ADCK1: variants seen among roughly 807,000 people sequenced by gnomAD.
ADCK1 encodes the protein aarF domain containing kinase 1, also known as aarF domain-containing protein kinase 1.
A neutral mutation model predicts 52.3 loss-of-function variants in ADCK1; 41 were observed. The ratio of observed to expected loss-of-function variants is 0.78; its 90% CI spans 0.61 to 1.02. ADCK1 has a LOEUF of 1.02. ADCK1 is among the 50% of genes least tolerant of loss of function. The pLI is 0.00. For missense variants in ADCK1, 658 were observed against 679.5 expected, an observed-to-expected ratio of 0.97 and a Z score of 0.35; for synonymous variants, 250 against 274.6, an observed-to-expected ratio of 0.91 and a Z score of 0.89.
chr14:77,870,155 C>A (rs2082745374), intron 4 of ADCK1, among the ~76,000 whole-genome samples: 2 of 152,204 alleles, frequency 1.3e-5, no homozygotes, highest in South Asian at 4.1e-4. Flanking sequence ...GTAACCTTTA[C>A]AATAACTCTG....
chr14:77,905,522 C>T (rs981929003), intron 6 of ADCK1, among the ~76,000 whole-genome samples: 1 of 151,746 alleles, frequency 6.6e-6, no homozygotes, highest in African/African-American at 2.4e-5. Context: ...TAAGCTGCCT[C>T]TGGTGGGGCT....
chr14:77,842,664 C>T (rs1035747153), intron 3 of ADCK1, among the ~76,000 whole-genome samples: 1 of 151,828 alleles, frequency 6.6e-6, no homozygotes, highest in Non-Finnish European at 1.5e-5. Flanking sequence ...AAATCTCCTG[C>T]CTCAGCCTCC....
chr14:77,814,144 T>C (rs937971725), intron 1 of ADCK1, among the ~76,000 whole-genome samples: 18 of 151,800 alleles, frequency 1.2e-4, no homozygotes, highest in African/African-American at 4.4e-4. Flanking sequence ...AGTGGCGCAA[T>C]CTCAGCTCAC....
At position 77,931,648 on chromosome 14, in the gene ADCK1, G is replaced by T. The variant is rs1366355102; in HGVS notation, c.1337G>T (p.Gly446Val). 45 of 1,611,314 alleles carry T rather than the reference G, an allele frequency of 2.8e-5. 1 individual carries two copies. Among genetic ancestry groups the T allele is most frequent in the Non-Finnish European group, 3.5e-5 (41 of 1,180,024 alleles). Residue 446 changes from glycine to valine, a missense_variant, in exon 10 of 11, where the codon GGC becomes GTC. By Grantham distance (109) the Gly-to-Val change is moderately radical (BLOSUM62 -3). Coordinates refer to ENST00000238561, the MANE Select transcript of ADCK1 (RefSeq NM_020421.4). ...DLLRGIEAAL[G>V]TRASASSFLN... The stretch of plus-strand genomic sequence containing the variant: ...CTGCGTGGCATTGAGGCCGCCCTGG[G>T]CACCCGCGCCAGCGCCAGCTCCTTT...
chr14:77,837,121 G>A (rs959143714), intron 3 of ADCK1, among the ~76,000 whole-genome samples: 25 of 150,890 alleles, frequency 1.7e-4, no homozygotes, highest in African/African-American at 6.1e-4. Flanking sequence ...GGGTCCACCT[G>A]GGCAATCCAG....
chr14:77,803,492 G>A (rs1445850299), intron 1 of ADCK1, among the ~76,000 whole-genome samples: 8 of 152,144 alleles, frequency 5.3e-5, no homozygotes, highest in Non-Finnish European at 1.0e-4. Flanking sequence ...CGGACATTTC[G>A]TGTGACCATC....
At chr14:77,918,371 T>G (rs2083975898) in intron 7 of ADCK1, among the ~76,000 whole-genome samples, 1 of 152,200 alleles carries the variant, frequency 6.6e-6, no homozygotes, top group Non-Finnish European at 1.5e-5. Context: ...TGAAGTTAAG[T>G]CAGGTGTGTC....
chr14:77,917,028 T>A (rs2083940816), intron 7 of ADCK1, among the ~76,000 whole-genome samples: 1 of 152,062 alleles, frequency 6.6e-6, no homozygotes, highest in African/African-American at 2.4e-5. Context: ...TTTGAGACCA[T>A]CCCATCCTGG....
At chr14:77,925,273 G>A (rs1483619913) in intron 8 of ADCK1, among the ~76,000 whole-genome samples, 1 of 152,238 alleles carries the variant, frequency 6.6e-6, no homozygotes, top group Non-Finnish European at 1.5e-5. Context: ...TACAGCAGGA[G>A]CTTAATTGCT....
At chr14:77,836,731 C>T (rs953845188) in intron 3 of ADCK1, among the ~76,000 whole-genome samples, 2 of 151,502 alleles carry the variant, frequency 1.3e-5, no homozygotes, top group Non-Finnish European at 2.9e-5. Context: ...GCAATCTCTG[C>T]AATCTAAGCC....
intron 6 of ADCK1, among the ~76,000 whole-genome samples, chr14:77,906,162 T>C (rs2083660342): frequency 6.6e-6 from 1 of 152,212 alleles, no homozygotes; most frequent in African/African-American, 2.4e-5. Flanking sequence ...ACAACAGTAT[T>C]AGCAGAATTA....
At chr14:77,828,623 C>T (rs2081771580) in intron 3 of ADCK1, among the ~76,000 whole-genome samples, 1 of 152,138 alleles carries the variant, frequency 6.6e-6, no homozygotes, top group Non-Finnish European at 1.5e-5. Context: ...CAACCTCTGC[C>T]TCCCGGGTTC....
At chr14:77,800,999 A>G (rs912692561) in intron 1 of ADCK1, among the ~76,000 whole-genome samples, 7 of 151,884 alleles carry the variant, frequency 4.6e-5, no homozygotes, top group Non-Finnish European at 8.8e-5. Flanking sequence ...GGAGGCCAAG[A>G]TGGGAGGATT....
chr14:77,915,523 A>G (rs1160398139), intron 7 of ADCK1, among the ~76,000 whole-genome samples: 1 of 152,178 alleles, frequency 6.6e-6, no homozygotes, highest in Non-Finnish European at 1.5e-5. Context: ...ATGTCCAACA[A>G]TGATAGACTG....
At chr14:77,859,820 A>G (rs1350501650) in intron 4 of ADCK1, among the ~76,000 whole-genome samples, 2 of 152,262 alleles carry the variant, frequency 1.3e-5, no homozygotes, top group Non-Finnish European at 2.9e-5. Flanking sequence ...TACCTGATGT[A>G]GAGCAAGTGC....
At chr14:77,920,852 G>A (rs1448688332) in intron 7 of ADCK1, among the ~76,000 whole-genome samples, 1 of 151,950 alleles carries the variant, frequency 6.6e-6, no homozygotes, top group Non-Finnish European at 1.5e-5. Context: ...GTCTTGGTAT[G>A]TTGCCCAGGC....
chr14:77,806,177 C>T (rs2081222846), intron 1 of ADCK1, among the ~76,000 whole-genome samples: 1 of 151,730 alleles, frequency 6.6e-6, no homozygotes. Flanking sequence ...CTTCCCACCT[C>T]AGCCTCCCAA....
intron 1 of ADCK1, among the ~76,000 whole-genome samples, chr14:77,813,728 T>C (rs1020308065): frequency 6.6e-6 from 1 of 151,858 alleles, no homozygotes; most frequent in Non-Finnish European, 1.5e-5. Context: ...CTGATGAAGT[T>C]GAACACTAAA....
At chr14:77,855,161 G>A (rs925614963) in intron 3 of ADCK1, among the ~76,000 whole-genome samples, 6 of 152,206 alleles carry the variant, frequency 3.9e-5, no homozygotes, top group Non-Finnish European at 5.9e-5. Context: ...CCATCATGCC[G>A]TCTATTTCTA....
Sources: gnomAD v4.1 joint callset for allele counts (sites outside exome capture counted in the v4.1 genomes callset) on GRCh38, gnomAD v4.1.1 for gene constraint, MANE v1.5 for transcripts, NCBI Gene and HGNC (gene_info 2026-07-23, HGNC 2026-07-21) for gene names.